Variants in MYH14 observed in about 807,000 individuals in gnomAD.
MYH14 encodes myosin-14.
In MYH14, 123 loss-of-function variants were observed where a neutral mutation model predicts 255.5. The ratio of observed to expected loss-of-function variants is 0.48; its 90% CI spans 0.42 to 0.56. The LOEUF is 0.56. Ranked by LOEUF, MYH14 falls within the 20% of genes least tolerant of loss-of-function variation. The pLI is 0.00. For missense variants in MYH14, 2,423 were observed against 2,802.3 expected (o/e 0.86, Z 3.06); for synonymous variants, 1,095 against 1,161.2 (o/e 0.94, Z 1.16).
At chr19:50,212,538 G>A (rs114650331) in intron 2 of MYH14, among the ~76,000 whole-genome samples, 2,228 of 152,242 alleles carry the variant, frequency 0.015, 23 homozygotes, top group African/African-American at 0.027. Flanking sequence ...AAGGAATCAC[G>A]CCAGGATTTG....
At chr19:50,273,036 A>G (rs903795334) in intron 27 of MYH14, among the ~76,000 whole-genome samples, 3 of 152,168 alleles carry the variant, frequency 2.0e-5, no homozygotes, top group Non-Finnish European at 4.4e-5. Flanking sequence ...CACACCTGTA[A>G]TCCCAGTACT....
intron 9 of MYH14, chr19:50,231,033 G>T (rs2033358139): frequency 4.3e-6 from 1 of 234,198 alleles, no homozygotes; most frequent in Non-Finnish European, 8.6e-6. Flanking sequence ...GCTGCCTCGT[G>T]CTCCCCTCTG....
At chr19:50,304,687 C>G (rs551417818) in intron 40 of MYH14, among the ~76,000 whole-genome samples, 1 of 152,282 alleles carries the variant, frequency 6.6e-6, no homozygotes, top group South Asian at 2.1e-4. Context: ...CATGGTATGT[C>G]TAATACCATG....
In MYH14 at chr19:50,221,879, C is replaced by G. The variant is rs895974456; in HGVS notation, c.563-1204C>G. ...CAAACATTTCTAACTCAGAGCCTTTCCCCTGGCTGTGCCCTCTGCCTGAAA... is the reference window on the plus strand; with the variant it reads ...CAAACATTTCTAACTCAGAGCCTTTGCCCTGGCTGTGCCCTCTGCCTGAAA... On this transcript the variant is annotated intron_variant, in intron 3 of 42. Transcript: ENST00000642316. This position sits in a 1 kb window ranked among gnomAD's most constrained non-coding sequence, Gnocchi z 5.3. 6.6e-6 allele frequency among the ~76,000 whole-genome samples: 1 copy of G among 152,210 alleles called. No individual in the cohort carries two copies. The highest frequency in any genetic ancestry group is 2.4e-5 in the African/African-American group (1 of 41,464).
At chr19:50,205,708 T>G (rs1377784170) in intron 1 of MYH14, among the ~76,000 whole-genome samples, 1 of 152,178 alleles carries the variant, frequency 6.6e-6, no homozygotes, top group Non-Finnish European at 1.5e-5. Context: ...GAGCCCGAAC[T>G]TCTGGGTCCT....
chr19:50,286,831 T>A, intron 34 of MYH14, 137 bp downstream of exon 34: 2 of 902,048 alleles, frequency 2.2e-6, no homozygotes, highest in Non-Finnish European at 3.4e-6. Context: ...ACAAGAGGGC[T>A]GGGCATGGTG....
chr19:50,275,968 T>C (rs1368146764), intron 27 of MYH14, 23 bp from the exon 28 acceptor site: 1 of 1,598,774 alleles, frequency 6.3e-7, no homozygotes. Context: ...CTGTATCAAC[T>C]CCACGGTTCT....
At chr19:50,277,024 G>A (rs997417681) in intron 29 of MYH14, 123 bp downstream of exon 29, 6 of 661,952 alleles carry the variant, frequency 9.1e-6, no homozygotes, top group Non-Finnish European at 1.3e-5. Context: ...CTTTCCTCAC[G>A]CATTCATGTG....
rs1236916887 is a variant in MYH14 at position 50,267,018 on chromosome 19, C to T, written c.2826+10C>T. 4.5e-6 allele frequency: 3 copies of T among 669,926 alleles called. No homozygotes were observed. Among genetic ancestry groups the T allele is most frequent in the Non-Finnish European group, 5.7e-6 (3 of 525,304 alleles). The allele number at this position is 669,926 out of a possible 1,614,324, so 41.5% of individuals were successfully genotyped here. Reference sequence around the variant, plus strand: ...GGGCCGAGTGGCACAGGTGAGGGGGCGGGGGCAGGGCGTGGGGGCGTGTCT... The same window carrying T: ...GGGCCGAGTGGCACAGGTGAGGGGGTGGGGGCAGGGCGTGGGGGCGTGTCT... On this transcript the variant is annotated intron_variant, in intron 23 of 42. Transcript: ENST00000642316.
intron 33 of MYH14, among the ~76,000 whole-genome samples, chr19:50,282,615 A>C (rs13345360): frequency 0.36 from 54,478 of 152,044 alleles, 10,669 homozygotes; most frequent in African/African-American, 0.51. Context: ...AGGCAGGAGA[A>C]TCACTTGAAC....
At chr19:50,208,450 A>ACCCAC (rs1555751380) in intron 1 of MYH14, among the ~76,000 whole-genome samples, 1 of 151,622 alleles carries the variant, frequency 6.6e-6, no homozygotes, top group Non-Finnish European at 1.5e-5. Context: ...AAACAAACAA[A>ACCCAC]CAAACAAAAA....
chr19:50,237,998 T>A (rs1338837398), intron 10 of MYH14, among the ~76,000 whole-genome samples: 1 of 152,078 alleles, frequency 6.6e-6, no homozygotes, highest in Non-Finnish European at 1.5e-5. Context: ...GGTGGACACC[T>A]CAGTGTCACC....
chr19:50,264,439 A>G (rs1023333279), intron 22 of MYH14, among the ~76,000 whole-genome samples: 30 of 152,098 alleles, frequency 2.0e-4, no homozygotes, highest in Admixed American at 2.6e-4. Flanking sequence ...AAACCAAGAC[A>G]CTCTTATCAG....
At chr19:50,225,761 C>T (rs2033061241) in intron 7 of MYH14, 84 bp downstream of exon 7, 7 of 866,834 alleles carry the variant, frequency 8.1e-6, no homozygotes, top group South Asian at 5.5e-5. Flanking sequence ...GGGAAAGACA[C>T]GTGGATCTGT....
At chr19:50,225,721 G>T in intron 7 of MYH14, 44 bp downstream of exon 7, 5 of 1,506,482 alleles carry the variant, frequency 3.3e-6, no homozygotes, top group Non-Finnish European at 4.6e-6. Context: ...CAGGGATACA[G>T]GAGCTGGGAA....
chr19:50,277,912 T>C (rs2035567061), intron 29 of MYH14, among the ~76,000 whole-genome samples, 171 bp from the exon 30 acceptor site: 1 of 148,498 alleles, frequency 6.7e-6, no homozygotes, highest in Non-Finnish European at 1.5e-5. Flanking sequence ...ACTGAAGCAC[T>C]GTCTCAAAAA....
intron 19 of MYH14, 80 bp downstream of exon 19, chr19:50,259,345 G>C: frequency 6.6e-7 from 1 of 1,518,994 alleles, no homozygotes; most frequent in Non-Finnish European, 8.9e-7. Flanking sequence ...CTGCATTCAG[G>C]TCTCCACCCA....
At position 50,293,210 on chromosome 19, in the gene MYH14, C is replaced by T. The variant is rs755193088; in HGVS notation, c.5257-23C>T. The T allele has an allele frequency of 2.7e-5, 43 of 1,569,154 alleles. No individual in the cohort carries two copies. Among genetic ancestry groups the T allele is most frequent in the Middle Eastern group, 1.7e-4 (1 of 6,014 alleles). The stretch of plus-strand genomic sequence containing the variant: ...CCAGATTGCTTCTCCTCACACCCAC[C>T]GGCCACCCCTCCATCATCACAGGAA... On this transcript the variant is annotated intron_variant, in intron 37 of 42. Transcript: ENST00000642316. The surrounding 1 kb of genome is among the most constrained non-coding windows in gnomAD (Gnocchi z 4.1).
rs778174688 is a variant in MYH14, at chr19:50,244,231, T to G, written c.1115-11T>G. On this transcript the variant is annotated splice_polypyrimidine_tract_variant and intron_variant, in intron 10 of 42. Coordinates refer to ENST00000642316, the MANE Select transcript of MYH14 (RefSeq NM_001145809.2). ...CAGAGCCACACGTGACCTCTGTCCT[T>G]GCGTCCCCAGCCATGCTGCGGATGG... 6.2e-7 allele frequency: 1 copy of G among 1,613,614 alleles called. No homozygotes were observed. The highest frequency in any genetic ancestry group is 8.5e-7 in the Non-Finnish European group (1 of 1,179,570).
Sources: gnomAD v4.1 joint callset for allele counts (sites outside exome capture counted in the v4.1 genomes callset) on GRCh38, gnomAD v4.1.1 for gene constraint, Gnocchi (gnomAD v3.1) non-coding constraint, MANE v1.5 for transcripts, NCBI Gene and HGNC (gene_info 2026-07-23, HGNC 2026-07-21) for gene names.